Variants in GAS2 observed in about 807,000 individuals in gnomAD.
GAS2 encodes the protein growth arrest-specific protein 2.
A neutral mutation model predicts 37.5 loss-of-function variants in GAS2; 20 were observed. That is an observed-to-expected ratio of 0.53 (90% CI 0.37 to 0.77). GAS2 has a LOEUF of 0.77. Among genes scored for constraint, GAS2 ranks in the 30% least tolerant of loss-of-function variants. GAS2 has a pLI of 0.00. For synonymous variants in GAS2, 144 were observed against 132.2 expected (o/e 1.09, Z -0.61); for missense variants, 336 against 373.4 (o/e 0.90, Z 0.82).
At chr11:22,704,138 A>C (rs1324629207) in intron 3 of GAS2, among the ~76,000 whole-genome samples, 1 of 152,146 alleles carries the variant, frequency 6.6e-6, no homozygotes, top group Admixed American at 6.6e-5. Context: ...TGTAGGTGTT[A>C]TGGAGGATGT....
intron 3 of GAS2, among the ~76,000 whole-genome samples, chr11:22,709,272 T>C (rs1207681992): frequency 6.6e-6 from 1 of 152,082 alleles, no homozygotes; most frequent in Non-Finnish European, 1.5e-5. Flanking sequence ...GCATTTGTCT[T>C]AAATGTTTAT....
At chr11:22,699,062 C>T (rs1448006677) in intron 3 of GAS2, among the ~76,000 whole-genome samples, 1 of 152,102 alleles carries the variant, frequency 6.6e-6, no homozygotes, top group Non-Finnish European at 1.5e-5. Context: ...TCTTTTCTAG[C>T]CCCTGTGTAA....
chr11:22,764,539 A>G (rs1264565877), intron 7 of GAS2, among the ~76,000 whole-genome samples: 1 of 141,434 alleles, frequency 7.1e-6, no homozygotes, highest in African/African-American at 2.6e-5. Context: ...TCCAGCCTGG[A>G]TGACAGAGCA....
intron 7 of GAS2, among the ~76,000 whole-genome samples, chr11:22,788,731 C>T (rs1001011150): frequency 4.6e-5 from 7 of 152,150 alleles, no homozygotes; most frequent in Non-Finnish European, 2.9e-5. Flanking sequence ...GAGACAACAT[C>T]GTATAATAGT....
intron 3 of GAS2, among the ~76,000 whole-genome samples, chr11:22,693,944 T>C (rs1237852105): frequency 6.6e-6 from 1 of 152,160 alleles, no homozygotes; most frequent in East Asian, 1.9e-4. Flanking sequence ...TTCTCACTTA[T>C]AAGTGGTATC....
At chr11:22,647,833 A>G (rs1352968093) in intron 1 of GAS2, among the ~76,000 whole-genome samples, 1 of 152,184 alleles carries the variant, frequency 6.6e-6, no homozygotes, top group Admixed American at 6.5e-5. Flanking sequence ...GCCTTTTGTC[A>G]GATGAGTAGG....
chr11:22,675,867 T>G (rs1245686034), intron 2 of GAS2, among the ~76,000 whole-genome samples: 4 of 152,334 alleles, frequency 2.6e-5, no homozygotes, highest in African/African-American at 9.6e-5. Context: ...ATCCTCATTT[T>G]CTAGCTAATG....
rs907069645 is a variant in GAS2, at chr11:22,707,912, A to G, written c.268-18380A>G. ...ATTAATCTGAGGTTGATGTGTATGC[A>G]TATTAAGTTGGAGAAATTTGAGACA... On this transcript the variant is annotated intron_variant, in intron 3 of 7. Coordinates refer to ENST00000454584, the MANE Select transcript of GAS2 (RefSeq NM_001143830.3). Among the ~76,000 whole-genome samples the G allele has an allele frequency of 3.3e-5, 5 of 152,160 alleles. No individual in the cohort carries two copies. In the East Asian group the frequency reaches 5.8e-4, roughly 18 times the overall value.
chr11:22,711,820 C>T lies in GAS2; in HGVS notation c.268-14472C>T, dbSNP rs1055980494. On this transcript the variant is annotated intron_variant, in intron 3 of 7. Transcript: ENST00000454584. ...ATAACTTCATTGGCCTGAAAGCCAC[C>T]CCAAAAACCCCCACAGTGGCTGCAG... 1.1e-4 allele frequency among the ~76,000 whole-genome samples: 17 copies of T among 152,214 alleles called. No individual in the cohort carries two copies. The South Asian group carries it at 1.5e-3, about 13-fold the overall frequency.
rs556528593 is a variant in GAS2, at chr11:22,812,777, G to A, written c.*761G>A. 1 of 152,468 alleles carries A rather than the reference G, an allele frequency of 6.6e-6. No homozygotes were observed. The highest frequency in any genetic ancestry group is 3.2e-3 in the Middle Eastern group (1 of 316). The allele number at this position is 152,468 out of a possible 1,614,324, so 9.4% of individuals were successfully genotyped here. ...TGACGAGTAAATTGTACAGTCAAAT[G>A]TTCATTGATTTCATGTTATTTCAAA... On this transcript the variant is annotated 3_prime_UTR_variant, in exon 8 of 8. Transcript: ENST00000454584.
intron 1 of GAS2, among the ~76,000 whole-genome samples, chr11:22,642,934 C>T (rs1055911833): frequency 2.0e-5 from 3 of 152,164 alleles, no homozygotes; most frequent in Non-Finnish European, 4.4e-5. Context: ...ATTTTGTTCT[C>T]TTACTCTTGA....
chr11:22,660,188 T>C (rs929224552), intron 1 of GAS2, among the ~76,000 whole-genome samples: 1 of 151,654 alleles, frequency 6.6e-6, no homozygotes, highest in Admixed American at 6.6e-5. Flanking sequence ...ACAGAAGAGG[T>C]TGGAGAATAA....
intron 7 of GAS2, among the ~76,000 whole-genome samples, chr11:22,765,867 G>A (rs543086366): frequency 1.8e-4 from 27 of 152,100 alleles, no homozygotes; most frequent in Non-Finnish European, 3.5e-4. Flanking sequence ...TGTACAGAAA[G>A]CAGCATCTGC....
At chr11:22,765,760 T>C (rs12269991) in intron 7 of GAS2, among the ~76,000 whole-genome samples, 67,349 of 150,568 alleles carry the variant, frequency 0.45, 15,485 homozygotes, top group East Asian at 0.59. Context: ...GCCTGGGTGA[T>C]AGAGTGAGAC....
intron 5 of GAS2, among the ~76,000 whole-genome samples, chr11:22,738,956 C>T (rs1412354573): frequency 1.3e-5 from 2 of 152,050 alleles, no homozygotes; most frequent in Non-Finnish European, 2.9e-5. Context: ...CAATTTGAGA[C>T]ATGTGAAGGT....
At chr11:22,690,499 G>T (rs1382530727) in intron 3 of GAS2, among the ~76,000 whole-genome samples, 1 of 152,094 alleles carries the variant, frequency 6.6e-6, no homozygotes, top group Non-Finnish European at 1.5e-5. Flanking sequence ...TCACAGACTA[G>T]GGCAGTAGAT....
chr11:22,657,185 A>G (rs1848865077), intron 1 of GAS2, among the ~76,000 whole-genome samples: 1 of 152,206 alleles, frequency 6.6e-6, no homozygotes, highest in African/African-American at 2.4e-5. Context: ...GTGGGGTACA[A>G]CATATTGACA....
chr11:22,740,646 T>C (rs79161919), intron 5 of GAS2, among the ~76,000 whole-genome samples: 2,074 of 152,304 alleles, frequency 0.014, 53 homozygotes, highest in African/African-American at 0.047. Flanking sequence ...GTTTTACAAA[T>C]GGCAACCCAA....
At chr11:22,764,344 A>T (rs1854557699) in intron 7 of GAS2, among the ~76,000 whole-genome samples, 1 of 152,154 alleles carries the variant, frequency 6.6e-6, no homozygotes, top group Middle Eastern at 3.4e-3. Flanking sequence ...GCGGATCACG[A>T]GGTCAGGAGA....
Sources: gnomAD v4.1 joint callset for allele counts (sites outside exome capture counted in the v4.1 genomes callset) on GRCh38, gnomAD v4.1.1 for gene constraint, MANE v1.5 for transcripts, NCBI Gene and HGNC (gene_info 2026-07-23, HGNC 2026-07-21) for gene names.